LINGO2: variants seen among roughly 807,000 people sequenced by gnomAD.
LINGO2 encodes leucine rich repeat and Ig domain containing 2, also known as leucine-rich repeat and immunoglobulin-like domain-containing nogo receptor-interacting protein 2.
In LINGO2, 14 loss-of-function variants were observed where a neutral mutation model predicts 30.6. The ratio of observed to expected loss-of-function variants is 0.46; its 90% confidence interval spans 0.30 to 0.72. LINGO2 has a LOEUF of 0.72. Among genes scored for constraint, LINGO2 ranks in the 30% least tolerant of loss-of-function variants. LINGO2 has a pLI of 0.07. For synonymous variants in LINGO2, 317 were observed against 288.5 expected (o/e 1.10, Z -1.00); for missense variants, 729 against 751.7 (o/e 0.97, Z 0.35).
At chr9:28,794,176 C>G in the LINGO2 span, among the ~76,000 whole-genome samples, 3 of 152,082 alleles carry the variant, frequency 2.0e-5, no homozygotes, top group African/African-American at 7.2e-5. Flanking sequence ...TGGCGGCGGG[C>G]GCCTGTAGTC....
intron 1 of LINGO2, among the ~76,000 whole-genome samples, chr9:28,587,968 T>C (rs1384013030): frequency 6.6e-6 from 1 of 151,974 alleles, no homozygotes; most frequent in East Asian, 1.9e-4. Context: ...TAGTAGGCAC[T>C]GGGCTGGCCA....
At chr9:29,078,019 T>A in the LINGO2 span, among the ~76,000 whole-genome samples, 3 of 151,996 alleles carry the variant, frequency 2.0e-5, no homozygotes, top group Non-Finnish European at 2.9e-5. Context: ...TACATGTGCA[T>A]GGGACAGAAA....
chr9:28,183,509 TG>T (rs1287745092), intron 4 of LINGO2, among the ~76,000 whole-genome samples: 2 of 152,232 alleles, frequency 1.3e-5, no homozygotes, highest in East Asian at 1.9e-4. Flanking sequence ...TGCCTTTTTT[TG>T]TAAATAAAGT....
At chr9:28,970,534 A>C in the LINGO2 span, among the ~76,000 whole-genome samples, 1 of 152,062 alleles carries the variant, frequency 6.6e-6, no homozygotes, top group Non-Finnish European at 1.5e-5. Context: ...CCCACCCCCC[A>C]GCAGTGGCAG....
At chr9:27,954,890 C>T (rs756112798) in intron 5 of LINGO2, among the ~76,000 whole-genome samples, 10 of 152,036 alleles carry the variant, frequency 6.6e-5, no homozygotes, top group Non-Finnish European at 1.2e-4. Context: ...GTTCCTTTTT[C>T]TGCACATCCT....
the LINGO2 span, among the ~76,000 whole-genome samples, chr9:29,063,205 C>G: frequency 0.022 from 3,327 of 152,118 alleles, 119 homozygotes; most frequent in African/African-American, 0.075. Flanking sequence ...ATGAAACTAT[C>G]CTTCCCTAAT....
the LINGO2 span, among the ~76,000 whole-genome samples, chr9:29,085,311 A>AAAAT: frequency 7.7e-6 from 1 of 130,220 alleles, no homozygotes; most frequent in African/African-American, 3.0e-5. Flanking sequence ...AAAAAAAAAA[A>AAAAT]GAATAAATTA....
chr9:28,955,596 C>A, the LINGO2 span, among the ~76,000 whole-genome samples: 1 of 152,096 alleles, frequency 6.6e-6, no homozygotes, highest in African/African-American at 2.4e-5. Context: ...TCCAGGTTGA[C>A]ATAATTACCA....
the LINGO2 span, among the ~76,000 whole-genome samples, chr9:28,954,018 T>C: frequency 6.6e-6 from 1 of 152,128 alleles, no homozygotes; most frequent in Admixed American, 6.6e-5. Context: ...CCGCTAATCT[T>C]ATCCGAATAA....
At chr9:29,200,014 T>C in the LINGO2 span, among the ~76,000 whole-genome samples, 2 of 151,996 alleles carry the variant, frequency 1.3e-5, no homozygotes, top group African/African-American at 4.8e-5. Context: ...CAGGAAATTA[T>C]CACATATCAC....
chr9:28,777,269 C>G, the LINGO2 span, among the ~76,000 whole-genome samples: 4 of 152,104 alleles, frequency 2.6e-5, no homozygotes, highest in Non-Finnish European at 5.9e-5. Flanking sequence ...GCATGTTGAA[C>G]AATTGAGACT....
the LINGO2 span, among the ~76,000 whole-genome samples, chr9:28,739,950 A>T: frequency 1.1e-3 from 142 of 125,740 alleles, no homozygotes; most frequent in Admixed American, 4.0e-3. Context: ...ATATATATAT[A>T]TTTTTTTTTT....
At chr9:28,912,179 A>C in the LINGO2 span, among the ~76,000 whole-genome samples, 3 of 152,140 alleles carry the variant, frequency 2.0e-5, no homozygotes, top group African/African-American at 7.2e-5. Context: ...TAATTGCAAT[A>C]ATTTATCAAT....
chr9:28,708,268 C>A, the LINGO2 span, among the ~76,000 whole-genome samples: 1 of 152,002 alleles, frequency 6.6e-6, no homozygotes, highest in South Asian at 2.1e-4. Context: ...CAGAATTCAG[C>A]TAAAATATGA....
At chr9:28,531,562 G>T (rs566510259) in intron 1 of LINGO2, among the ~76,000 whole-genome samples, 1 of 152,004 alleles carries the variant, frequency 6.6e-6, no homozygotes, top group South Asian at 2.1e-4. Flanking sequence ...ATTTTTGAAG[G>T]TTTATCTTAT....
chr9:28,006,325 C>T (rs1029571358), intron 5 of LINGO2, among the ~76,000 whole-genome samples: 3 of 107,128 alleles, frequency 2.8e-5, no homozygotes, highest in African/African-American at 1.1e-4. Flanking sequence ...GAAATCCTTA[C>T]CTAAGATTAA....
chr9:28,511,462 T>A (rs577808111), intron 1 of LINGO2, among the ~76,000 whole-genome samples: 7 of 152,170 alleles, frequency 4.6e-5, no homozygotes, highest in African/African-American at 1.7e-4. Flanking sequence ...ATAACCTCCA[T>A]CCCTGCCACC....
chr9:28,231,162 C>CAA (rs71304829), intron 4 of LINGO2, among the ~76,000 whole-genome samples: 67 of 146,196 alleles, frequency 4.6e-4, no homozygotes, highest in Non-Finnish European at 4.4e-4. Flanking sequence ...GCTTAAGCCT[C>CAA]AAAAAAAAAA....
At chr9:28,741,560 T>G in the LINGO2 span, among the ~76,000 whole-genome samples, 1 of 151,944 alleles carries the variant, frequency 6.6e-6, no homozygotes, top group Non-Finnish European at 1.5e-5. Flanking sequence ...ACTTGAAGCC[T>G]GAGGTTGTGG....
Sources: gnomAD v4.1 joint callset for allele counts (sites outside exome capture counted in the v4.1 genomes callset) on GRCh38, gnomAD v4.1.1 for gene constraint, MANE v1.5 for transcripts, NCBI Gene and HGNC (gene_info 2026-07-23, HGNC 2026-07-21) for gene names.